TRRAP: variants seen among roughly 807,000 people sequenced by gnomAD.
The protein encoded by TRRAP is transformation/transcription domain-associated protein.
TRRAP carries 41 observed loss-of-function variants against 438.8 expected under a neutral mutation model. That is an observed-to-expected ratio of 0.09 (90% confidence interval 0.07 to 0.12). TRRAP has a LOEUF of 0.12. Ranked by LOEUF, TRRAP falls within the 10% of genes least tolerant of loss-of-function variation. The pLI is 1.00. For synonymous variants in TRRAP, 1,994 were observed against 1,962.9 expected (o/e 1.02, Z -0.42); for missense variants, 3,122 against 5,055.1 (o/e 0.62, Z 11.60).
chr7:98,945,961 G>C lies in TRRAP; in HGVS notation c.4548+11G>C, dbSNP rs782742026. ...ATGGAAGGGGTAGAGGTGAGAACTTGAGCGGAGCTACAGGAGGGGGTTGTT... is the reference window on the plus strand; with the variant it reads ...ATGGAAGGGGTAGAGGTGAGAACTTCAGCGGAGCTACAGGAGGGGGTTGTT... On this transcript the variant is annotated intron_variant, in intron 33 of 72. Coordinates refer to ENST00000456197, the MANE Select transcript of TRRAP (RefSeq NM_001375524.1). The C allele has an allele frequency of 1.6e-5, 24 of 1,456,138 alleles. No homozygotes were observed. Among genetic ancestry groups the C allele is most frequent in the Non-Finnish European group, 2.0e-5 (22 of 1,104,236 alleles). The allele number at this position is 1,456,138 out of a possible 1,614,324, so 90.2% of individuals were successfully genotyped here. A position where few individuals can be genotyped will look rare whatever the true frequency, so the allele number is the denominator to read the frequency against.
chr7:98,908,119 A>T lies in TRRAP; in HGVS notation c.1116-609A>T, dbSNP rs1345881606. Among the ~76,000 whole-genome samples the T allele has an allele frequency of 6.6e-6, 1 of 152,230 alleles. No homozygotes were observed. Among genetic ancestry groups the T allele is most frequent in the Non-Finnish European group, 1.5e-5 (1 of 68,044 alleles). On this transcript the variant is annotated intron_variant, in intron 13 of 72. Transcript: ENST00000456197. This position sits in a 1 kb window ranked among gnomAD's most constrained non-coding sequence, Gnocchi z 4.1. ...TGTCCCTGGAACCCTGTTTAAGAAT[A>T]GCTTGCCCCACTCATCTTTCTCATG...
intron 18 of TRRAP, among the ~76,000 whole-genome samples, chr7:98,914,676 C>T (rs1182505613): frequency 8.7e-6 from 1 of 114,450 alleles, no homozygotes; most frequent in African/African-American, 3.2e-5. Flanking sequence ...GATTGTGCCA[C>T]TGACTATACT....
chr7:99,010,908 A>T, intron 70 of TRRAP, 144 bp from the exon 71 acceptor site: 3 of 855,530 alleles, frequency 3.5e-6, no homozygotes, highest in Non-Finnish European at 5.5e-6. Context: ...CAGTCTCCTA[A>T]CAATGCGTGC....
chr7:98,989,494 A>C (rs901287587), intron 63 of TRRAP, among the ~76,000 whole-genome samples: 2 of 152,278 alleles, frequency 1.3e-5, no homozygotes, highest in African/African-American at 4.8e-5. Flanking sequence ...CCCAAGAAGC[A>C]GACAAATAAA....
At chr7:98,915,577 A>C in intron 18 of TRRAP, 146 bp from the exon 19 acceptor site, 1 of 902,766 alleles carries the variant, frequency 1.1e-6, no homozygotes, top group African/African-American at 1.7e-5. Flanking sequence ...AAAGATTGGA[A>C]TATGCTTGTT....
In TRRAP at chr7:98,900,671, C is replaced by T; in HGVS notation, c.848C>T (p.Ala283Val). 1 of 1,613,662 alleles carries T rather than the reference C, an allele frequency of 6.2e-7. No individual in the cohort carries two copies. The highest frequency in any genetic ancestry group is 8.5e-7 in the Non-Finnish European group (1 of 1,179,974). Reference sequence around the variant, plus strand: ...GAGTTGTATGCTGACTTCATTGCTGCTCAGATTAAAACATTGTCATTTTTA... The same window carrying T: ...GAGTTGTATGCTGACTTCATTGCTGTTCAGATTAAAACATTGTCATTTTTA... ...NKELYADFIA[A>V]QIKTLSFLAY... Residue 283 changes from alanine (A) to valine (V), a missense_variant, in exon 11 of 73, where the codon GCT becomes GTT. Around this residue, in one of 24 missense-constraint regions of TRRAP, gnomAD observed 343 missense variants for 564.0 expected, o/e 0.61. Transcript: ENST00000456197.
chr7:99,011,790 C>G lies in TRRAP; in HGVS notation c.11337+255C>G, dbSNP rs1486436770. On this transcript the variant is annotated intron_variant, in intron 72 of 72. Transcript: ENST00000456197. This position sits in a 1 kb window ranked among gnomAD's most constrained non-coding sequence, Gnocchi z 7.1. ...GGAAGGTGTCAAGTGAACAAATAAA[C>G]AGATTGGGCCTCAGTCGCAGCATGG... Among the ~76,000 whole-genome samples the G allele has an allele frequency of 6.6e-6, 1 of 152,260 alleles. No individual in the cohort carries two copies. Among genetic ancestry groups the G allele is most frequent in the East Asian group, 1.9e-4 (1 of 5,198 alleles).
intron 70 of TRRAP, among the ~76,000 whole-genome samples, chr7:99,010,662 A>C (rs539683116): frequency 2.3e-4 from 35 of 152,302 alleles, no homozygotes; most frequent in African/African-American, 8.4e-4. Flanking sequence ...ATCTGTCATT[A>C]GTATAAAGTC....
At position 98,878,657 on chromosome 7, in the gene TRRAP, T is replaced by A. The variant is rs1296444688; in HGVS notation, c.-62+20T>A. Reference sequence around the variant, plus strand: ...GTCGGGGTAAGTTGGCGGGCGGGCGTCCGAACGGCCCCGGGAGGTGCGCGC... The same window carrying A: ...GTCGGGGTAAGTTGGCGGGCGGGCGACCGAACGGCCCCGGGAGGTGCGCGC... On this transcript the variant is annotated intron_variant, in intron 1 of 72. Transcript: ENST00000456197. 1 of 150,864 alleles carries A rather than the reference T, an allele frequency of 6.6e-6. No individual in the cohort carries two copies. Among genetic ancestry groups the A allele is most frequent in the East Asian group, 2.0e-4 (1 of 5,078 alleles). 9.3% of individuals were successfully genotyped at this position (150,864 alleles called of 1,614,324 possible). A position where few individuals can be genotyped will look rare whatever the true frequency, so the allele number is the denominator to read the frequency against.
chr7:99,003,577 A>G (rs1794026367), intron 67 of TRRAP, among the ~76,000 whole-genome samples: 1 of 152,024 alleles, frequency 6.6e-6, no homozygotes, highest in Admixed American at 6.6e-5. Context: ...AGCCTCACAC[A>G]CTGAGGTAGA....
chr7:98,911,375 G>C (rs1415953573), intron 17 of TRRAP, 104 bp downstream of exon 17: 2 of 1,180,838 alleles, frequency 1.7e-6, no homozygotes, highest in African/African-American at 3.1e-5. Flanking sequence ...ATGTAGCCAA[G>C]GATGTGCTTA....
At chr7:98,897,039 A>G (rs1363118320) in intron 7 of TRRAP, among the ~76,000 whole-genome samples, 1 of 152,176 alleles carries the variant, frequency 6.6e-6, no homozygotes, top group Non-Finnish European at 1.5e-5. Flanking sequence ...GTTCGAGACC[A>G]GCTTGGCCAA....
At chr7:98,891,812 A>G (rs1554404971) in intron 4 of TRRAP, among the ~76,000 whole-genome samples, 2 of 152,162 alleles carry the variant, frequency 1.3e-5, no homozygotes, top group African/African-American at 2.4e-5. Context: ...TGCTGGGATT[A>G]CAGGCGTGAG....
At chr7:98,914,285 AG>A (rs1200026422) in intron 18 of TRRAP, among the ~76,000 whole-genome samples, 1 of 152,090 alleles carries the variant, frequency 6.6e-6, no homozygotes, top group Non-Finnish European at 1.5e-5. Context: ...CTGTAGTCCC[AG>A]CTACTCAGGA....
intron 69 of TRRAP, among the ~76,000 whole-genome samples, 182 bp from the exon 70 acceptor site, chr7:99,008,195 G>A (rs552932271): frequency 2.7e-4 from 41 of 152,304 alleles, no homozygotes; most frequent in Admixed American, 2.0e-3. Flanking sequence ...AGTTCGTGCC[G>A]TCAGAGCCTC....
chr7:98,986,247 C>G (rs1046396952), intron 62 of TRRAP, among the ~76,000 whole-genome samples: 1 of 152,172 alleles, frequency 6.6e-6, no homozygotes, highest in Admixed American at 6.5e-5. Flanking sequence ...CTGGTGTAAA[C>G]ACTGAATATG....
At chr7:99,004,562 G>T (rs1379048576) in intron 68 of TRRAP, 147 bp downstream of exon 68, 4 of 760,324 alleles carry the variant, frequency 5.3e-6, no homozygotes, top group Non-Finnish European at 8.3e-6. Flanking sequence ...GAATGTAAGT[G>T]GTCAGGCACT....
At chr7:98,906,285 G>A (rs374448423) in intron 13 of TRRAP, 30 bp downstream of exon 13, 8 of 1,578,206 alleles carry the variant, frequency 5.1e-6, no homozygotes, top group Admixed American at 1.7e-5. Context: ...ATATCTGGTT[G>A]GTTAAATGCC....
chr7:98,960,652 C>T (rs1562961117), intron 45 of TRRAP, among the ~76,000 whole-genome samples: 1 of 152,042 alleles, frequency 6.6e-6, no homozygotes, highest in African/African-American at 2.4e-5. Flanking sequence ...ATTGCAGTGG[C>T]ACAGTCTTGG....
Sources: gnomAD v4.1 joint callset for allele counts (sites outside exome capture counted in the v4.1 genomes callset) on GRCh38, gnomAD v4.1.1 for gene constraint, gnomAD v4.1.1 regional missense constraint, Gnocchi (gnomAD v3.1) non-coding constraint, MANE v1.5 for transcripts, NCBI Gene and HGNC (gene_info 2026-07-23, HGNC 2026-07-21) for gene names.